The following PLIN4 variants were observed in gnomAD, a reference collection of about 807,000 sequenced individuals.
The protein encoded by PLIN4 is perilipin 4.
In PLIN4, 57 loss-of-function variants were observed where a neutral mutation model predicts 52.4. That is an observed-to-expected ratio of 1.09 (90% CI 0.88 to 1.36). The LOEUF is 1.36. Ranked by LOEUF, PLIN4 falls within the 40% of genes most tolerant of loss-of-function variation. The pLI, the probability that PLIN4 is intolerant of heterozygous loss-of-function variation, is 0.00. For synonymous variants in PLIN4, 826 were observed against 785.4 expected (o/e 1.05, Z -0.86); for missense variants, 1,757 against 1,770.3 (o/e 0.99, Z 0.13).
Position 4,511,059 on chromosome 19 carries a change from T to G in PLIN4, c.2901A>C (p.Gly967=). The change falls in exon 5 of 8, where the codon GGA becomes GGC. Residue 967 remains glycine (G), a synonymous_variant. Transcript: ENST00000301286. ...TGGCCACATTCACTGCCCCCGTGAC[T>G]CCAGTAGTCACTGCATCCTTAGCGC... The part of the protein sequence containing the change: ...LSGAKDAVTT[G]VTGAVNVAKG... 6.2e-7 allele frequency: 1 copy of G among 1,612,858 alleles called. No homozygotes were observed. Among genetic ancestry groups the G allele is most frequent in the Non-Finnish European group, 8.5e-7 (1 of 1,179,708 alleles).
At position 4,502,338 on chromosome 19, in the gene PLIN4, TA is replaced by T; in HGVS notation, c.*2120del. 1 of 392,260 alleles carries T rather than the reference TA, an allele frequency of 2.5e-6. No individual in the cohort carries two copies. Among genetic ancestry groups the T allele is most frequent in the Non-Finnish European group, 4.7e-6 (1 of 211,194 alleles). 24.3% of individuals were successfully genotyped at this position (392,260 alleles called of 1,614,324 possible). On this transcript the variant is annotated 3_prime_UTR_variant, in exon 8 of 8. Coordinates refer to ENST00000301286, the MANE Select transcript of PLIN4 (RefSeq NM_001367868.2). The stretch of plus-strand genomic sequence containing the variant: ...CCATCAGGCCACCGTGAGAAGCGAC[TA>T]AAAGGCACTCTGGGCCCAGCCCAAC...
In PLIN4 at chr19:4,513,386, C is replaced by A. The variant is rs576948355; in HGVS notation, c.574G>T (p.Asp192Tyr). 3.7e-6 allele frequency: 6 copies of A among 1,613,574 alleles called. No individual in the cohort carries two copies. In the African/African-American group the frequency reaches 8.0e-5, roughly 22 times the overall value. Reference sequence around the variant, plus strand: ...CCGGTCAGCACAGTCTTGGTGGTGTCCACACCGGCCTGTACGGTCCCTTTG... The same window carrying A: ...CCGGTCAGCACAGTCTTGGTGGTGTACACACCGGCCTGTACGGTCCCTTTG... ...VAKGTVQAGV[D>Y]TTKTVLTGTK... The change falls in exon 5 of 8, where the codon GAC becomes TAC. Residue 192 changes from aspartate (D) to tyrosine (Y), a missense_variant. By Grantham distance (160) the Asp-to-Tyr change is radical. Transcript: ENST00000301286.
In PLIN4 at chr19:4,504,722, T is replaced by G. The variant is rs746808597; in HGVS notation, c.3853A>C (p.Ser1285Arg). The stretch of plus-strand genomic sequence containing the variant: ...CCCTGGAGGCTGGAGACCAGGCCAC[T>G]GTAGGCCGTGTGCAGCTGCCGGAGA... ...GLLRQLHTAYSGLVSSLQGLP... is the reference protein window; with the variant it reads ...GLLRQLHTAYRGLVSSLQGLP... Residue 1285 changes from serine (S) to arginine (R), a missense_variant, in exon 8 of 8, where the codon AGT becomes CGT. Physicochemically the swap from Ser to Arg is moderately radical, Grantham distance 110. Around this residue, in one of 7 missense-constraint regions of PLIN4, gnomAD observed 712 missense variants for 637.1 expected, o/e 1.12. Transcript: ENST00000301286. 2 of 1,600,352 alleles carry G rather than the reference T, an allele frequency of 1.2e-6. No individual in the cohort carries two copies. The highest frequency in any genetic ancestry group is 1.3e-5 in the African/African-American group (1 of 74,814).
At chr19:4,509,344 C>T (rs1046713267) in intron 5 of PLIN4, among the ~76,000 whole-genome samples, 4 of 69,908 alleles carry the variant, frequency 5.7e-5, no homozygotes, top group Admixed American at 1.5e-4. Context: ...AGGCCAGGCG[C>T]GGTGGCTCAC....
In PLIN4 at chr19:4,504,291, TAAG is replaced by T. The variant is rs1001911007; in HGVS notation, c.*165_*167del. On this transcript the variant is annotated 3_prime_UTR_variant, in exon 8 of 8. Transcript: ENST00000301286. ...GGAGCAGGGCGTGGGGTGGCTCAGTTAAGAAGGTCACTGCCTCCGCAGCCCCTC... is the reference window on the plus strand; with the variant it reads ...GGAGCAGGGCGTGGGGTGGCTCAGTTAAGGTCACTGCCTCCGCAGCCCCTC... 1.0e-4 allele frequency: 69 copies of T among 679,472 alleles called. No individual in the cohort carries two copies. The highest frequency in any genetic ancestry group is 7.3e-4 in the African/African-American group (40 of 55,170). The allele number at this position is 679,472 out of a possible 1,614,324, so 42.1% of individuals were successfully genotyped here. A position where few individuals can be genotyped will look rare whatever the true frequency, so the allele number is the denominator to read the frequency against.
chr19:4,504,794 G>A lies in PLIN4; in HGVS notation c.3790-9C>T. On this transcript the variant is annotated splice_polypyrimidine_tract_variant and intron_variant, in intron 7 of 7. Transcript: ENST00000301286. ...ACCCCGGCATCCCGCTCCTGTGGGAGGAAGGCGCAAGGTGAGTGGAGACCC... is the reference window on the plus strand; with the variant it reads ...ACCCCGGCATCCCGCTCCTGTGGGAAGAAGGCGCAAGGTGAGTGGAGACCC... 2 of 1,600,920 alleles carry A rather than the reference G, an allele frequency of 1.2e-6. No homozygotes were observed. Among genetic ancestry groups the A allele is most frequent in the Non-Finnish European group, 8.5e-7 (1 of 1,172,420 alleles).
Position 4,517,660 on chromosome 19 carries a change from G to A in PLIN4, c.90C>T (p.Ser30=), listed in dbSNP as rs12609140. The A allele has an allele frequency of 6.2e-7, 1 of 1,603,794 alleles. No homozygotes were observed. Among genetic ancestry groups the A allele is most frequent in the Non-Finnish European group, 8.5e-7 (1 of 1,175,892 alleles). The change falls in exon 3 of 8, where the codon AGC becomes AGT. Residue 30 remains serine (S), a synonymous_variant. Coordinates refer to ENST00000301286, the MANE Select transcript of PLIN4 (RefSeq NM_001367868.2). The part of the protein sequence containing the change: ...GSFFGSLPGF[S]SARNLVANAH... ...CGTTGGCCACCAGGTTCCGGGCAGA[G>A]CTGAAGCCAGGCAGGGACCCAAAGA...
chr19:4,504,863 C>T lies in PLIN4; in HGVS notation c.3787G>A (p.Glu1263Lys). 2 of 1,606,106 alleles carry T rather than the reference C, an allele frequency of 1.2e-6. No homozygotes were observed. The highest frequency in any genetic ancestry group is 2.2e-5 in the South Asian group (2 of 89,662). ...GASAEDAAVQ[E>K]ERDAGVLSRV... ...CCCTAGCCCTGTGCCAGACCCACCT[C>T]CTGGACAGCAGCGTCCTCCGCACTG... The change falls in exon 7 of 8, where the codon GAG (glutamate) becomes AAG (lysine). Residue 1263 changes from glutamate to lysine, a missense_variant and splice_region_variant. Glu to Lys is a moderately conservative substitution (Grantham distance 56). This residue lies in a region of PLIN4 where 712 missense variants were observed against 637.1 expected (regional missense o/e 1.12). Coordinates refer to ENST00000301286, the MANE Select transcript of PLIN4 (RefSeq NM_001367868.2).
chr19:4,515,360 C>G (rs1380703494), intron 4 of PLIN4, among the ~76,000 whole-genome samples: 1 of 151,276 alleles, frequency 6.6e-6, no homozygotes, highest in Non-Finnish European at 1.5e-5. Flanking sequence ...GTCTCCGCCT[C>G]CTGGGTTCAG....
At position 4,510,427 on chromosome 19, in the gene PLIN4, A is replaced by G. The variant is rs781534004; in HGVS notation, c.3514+19T>C. Reference sequence around the variant, plus strand: ...GCTGTGCCTGCCTCAGGGACCCATGAACCCAGGCGTCCCCTCACCTTGCTC... The same window carrying G: ...GCTGTGCCTGCCTCAGGGACCCATGGACCCAGGCGTCCCCTCACCTTGCTC... On this transcript the variant is annotated intron_variant, in intron 5 of 7. Transcript: ENST00000301286. 7 of 1,393,352 alleles carry G rather than the reference A, an allele frequency of 5.0e-6. No homozygotes were observed. In the African/African-American group the frequency reaches 8.8e-5, roughly 18 times the overall value. 86.3% of individuals were successfully genotyped at this position (1,393,352 alleles called of 1,614,324 possible).
Position 4,513,263 on chromosome 19 carries a change from C to T in PLIN4, c.697G>A (p.Gly233Ser), listed in dbSNP as rs570323479. 2.9e-5 allele frequency: 47 copies of T among 1,613,840 alleles called. No homozygotes were observed. Among genetic ancestry groups the T allele is most frequent in the African/African-American group, 1.3e-4 (10 of 75,036 alleles). ...GVETSKAVLT[G>S]TKDAVSTGLT... Reference sequence around the variant, plus strand: ...CCAGTGGACACAGCATCTTTGGTGCCGGTCAGCACAGCCTTGGAGGTTTCC... The same window carrying T: ...CCAGTGGACACAGCATCTTTGGTGCTGGTCAGCACAGCCTTGGAGGTTTCC... The change falls in exon 5 of 8, where the codon GGC becomes AGC. Residue 233 changes from glycine to serine, a missense_variant. Gly to Ser is a moderately conservative substitution (Grantham distance 56). Transcript: ENST00000301286.
intron 3 of PLIN4, 78 bp downstream of exon 3, chr19:4,517,472 TGGAA>T (rs1976615916): frequency 6.7e-7 from 1 of 1,496,766 alleles, no homozygotes; most frequent in East Asian, 2.4e-5. Context: ...CCCAAATGGC[TGGAA>T]GTCCCTGCCC....
Position 4,512,227 on chromosome 19 carries a change from A to G in PLIN4, c.1733T>C (p.Val578Ala), listed in dbSNP as rs1243881637. 1.2e-6 allele frequency: 2 copies of G among 1,613,028 alleles called. No individual in the cohort carries two copies. Among genetic ancestry groups the G allele is most frequent in the South Asian group, 2.2e-5 (2 of 91,034 alleles). Residue 578 changes from valine (V) to alanine (A), a missense_variant, in exon 5 of 8, where the codon GTG (valine) becomes GCG (alanine). By Grantham distance (64) the Val-to-Ala change is moderately conservative. Transcript: ENST00000301286. Reference sequence around the variant, plus strand: ...ACCTGTCTGGACAGCCCCCTTGGCCACATTCGCTGCCCCCGTGAGCCCAGT... The same window carrying G: ...ACCTGTCTGGACAGCCCCCTTGGCCGCATTCGCTGCCCCCGTGAGCCCAGT... The part of the protein sequence containing the change: ...MSTGLTGAAN[V>A]AKGAVQTGVD...
intron 4 of PLIN4, among the ~76,000 whole-genome samples, chr19:4,516,146 G>A (rs180911341): frequency 1.3e-4 from 20 of 152,280 alleles, no homozygotes; most frequent in African/African-American, 4.8e-4. Context: ...TGGGCATGGC[G>A]GTGAGCACTT....
intron 4 of PLIN4, among the ~76,000 whole-genome samples, chr19:4,515,942 T>C (rs1028389741): frequency 1.3e-5 from 2 of 152,190 alleles, no homozygotes; most frequent in African/African-American, 4.8e-5. Flanking sequence ...CCACATGCCC[T>C]CTCTGAGCTA....
rs112861537 is a variant in PLIN4 at position 4,518,221 on chromosome 19, C to A, written c.51+1G>T. ...GAATCTGCCCCATTTCCCCTCTTTA[C>A]CTTGCCCTTCGGTTTGGGGGGATCC... On this transcript the variant is annotated splice_donor_variant, in intron 2 of 7. Transcript: ENST00000301286. LOFTEE classifies it high-confidence loss of function. 3.4e-5 allele frequency: 42 copies of A among 1,233,132 alleles called. No individual in the cohort carries two copies. The highest frequency in any genetic ancestry group is 4.1e-5 in the Non-Finnish European group (41 of 988,862). 76.4% of individuals were successfully genotyped at this position (1,233,132 alleles called of 1,614,324 possible). A position where few individuals can be genotyped will look rare whatever the true frequency, so the allele number is the denominator to read the frequency against.
rs761033810 is a variant in PLIN4, at chr19:4,511,014, G to A, written c.2946C>T (p.Gly982=). ...VNVAKGTVQT[G]VDASKAVLMG... ...TAAGCACAGCCTTGGAGGCGTCCACGCCGGTCTGCACGGTTCCTTTGGCCA... is the reference window on the plus strand; with the variant it reads ...TAAGCACAGCCTTGGAGGCGTCCACACCGGTCTGCACGGTTCCTTTGGCCA... The change falls in exon 5 of 8, where the codon GGC becomes GGT. Residue 982 remains glycine (G), a synonymous_variant. Coordinates refer to ENST00000301286, the MANE Select transcript of PLIN4 (RefSeq NM_001367868.2). 41 of 1,612,844 alleles carry A rather than the reference G, an allele frequency of 2.5e-5. No homozygotes were observed. The highest frequency in any genetic ancestry group is 1.3e-4 in the East Asian group (6 of 44,826).
intron 6 of PLIN4, among the ~76,000 whole-genome samples, chr19:4,506,267 C>A (rs1976090461): frequency 6.6e-6 from 1 of 152,198 alleles, no homozygotes; most frequent in African/African-American, 2.4e-5. Context: ...CCCAGGCCTC[C>A]TTCCTATTCC....
At position 4,517,531 on chromosome 19, in the gene PLIN4, C is replaced by T. The variant is rs1175218032; in HGVS notation, c.196+23G>A. The T allele has an allele frequency of 1.9e-6, 3 of 1,596,340 alleles. No individual in the cohort carries two copies. The Admixed American group carries it at 5.1e-5, about 27-fold the overall frequency. ...GTCCATGTGTAGAGTCCCCCCACGC[C>T]CCCAGCTGGGCCAGCCACTCACCCT... On this transcript the variant is annotated intron_variant, in intron 3 of 7. Coordinates refer to ENST00000301286, the MANE Select transcript of PLIN4 (RefSeq NM_001367868.2).
Sources: gnomAD v4.1 joint callset for allele counts (sites outside exome capture counted in the v4.1 genomes callset) on GRCh38, gnomAD v4.1.1 for gene constraint, gnomAD v4.1.1 regional missense constraint, MANE v1.5 for transcripts, NCBI Gene and HGNC (gene_info 2026-07-23, HGNC 2026-07-21) for gene names.